COL23A1: variants seen among roughly 807,000 people sequenced by gnomAD.
COL23A1 encodes collagen alpha-1(XXIII) chain.
Under a neutral mutation model 99.3 loss-of-function variants are expected in COL23A1, and 97 were observed. The observed-to-expected ratio is 0.98, with a 90% CI of 0.83 to 1.16. The LOEUF (loss-of-function observed/expected upper bound fraction) is 1.16. Ranked by LOEUF, COL23A1 falls within the 50% of genes most tolerant of loss-of-function variation. COL23A1 has a pLI of 0.00. For synonymous variants in COL23A1, 320 were observed against 308.2 expected, an observed-to-expected ratio of 1.04 and a Z score of -0.40; for missense variants, 762 against 757.4, an observed-to-expected ratio of 1.01 and a Z score of -0.07.
rs373060611 is a variant in COL23A1 at position 178,238,432 on chromosome 5, G to A, written c.*266C>T. The A allele has an allele frequency of 1.9e-3, 1,014 of 528,058 alleles. 5 individuals are homozygous for A. Among genetic ancestry groups the A allele is most frequent in the Admixed American group, 4.1e-3 (128 of 30,950 alleles). 32.7% of individuals were successfully genotyped at this position (528,058 alleles called of 1,614,324 possible). A position where few individuals can be genotyped will look rare whatever the true frequency, so the allele number is the denominator to read the frequency against. ...ACGTAGCATCTTTCTAGCCTTGCCC[G>A]AGCCAGGTGCTTCTACCTTCATCTC... On this transcript the variant is annotated 3_prime_UTR_variant, in exon 29 of 29. Coordinates refer to ENST00000390654, the MANE Select transcript of COL23A1 (RefSeq NM_173465.4).
At chr5:178,469,244 T>C (rs1381196982) in intron 2 of COL23A1, among the ~76,000 whole-genome samples, 1 of 152,182 alleles carries the variant, frequency 6.6e-6, no homozygotes, top group Non-Finnish European at 1.5e-5. Context: ...TCCGTGTTCT[T>C]CCTTTGGGGG....
rs575823808 is a variant in COL23A1, at chr5:178,337,000, A to C, written c.362-30081T>G. ...AGTAAATACACTCCTCCCCGGAGCC[A>C]GCGAGCTGCTCAGAGCGGCGGAAAC... On this transcript the variant is annotated intron_variant, in intron 2 of 28. Coordinates refer to ENST00000390654, the MANE Select transcript of COL23A1 (RefSeq NM_173465.4). 2.6e-5 allele frequency among the ~76,000 whole-genome samples: 4 copies of C among 151,760 alleles called. No individual in the cohort carries two copies. In the East Asian group the frequency reaches 7.8e-4, roughly 30 times the overall value.
chr5:178,360,505 G>C (rs890707114), intron 2 of COL23A1, among the ~76,000 whole-genome samples: 7 of 152,180 alleles, frequency 4.6e-5, no homozygotes, highest in Non-Finnish European at 1.0e-4. Flanking sequence ...TCGTGCCTAG[G>C]GGCCTGCCCG....
chr5:178,501,473 C>T (rs533013040), intron 2 of COL23A1, among the ~76,000 whole-genome samples: 65 of 151,724 alleles, frequency 4.3e-4, no homozygotes, highest in East Asian at 1.7e-3. Flanking sequence ...CCCAGCTACT[C>T]GGGAGGCTGA....
intron 2 of COL23A1, chr5:178,378,211 C>G (rs1270837062): frequency 6.6e-6 from 1 of 152,164 alleles, no homozygotes; most frequent in East Asian, 1.9e-4. Context: ...CATAGTGAGA[C>G]CCCATCTTTT....
At chr5:178,422,681 A>T (rs190170503) in intron 2 of COL23A1, among the ~76,000 whole-genome samples, 108 of 152,256 alleles carry the variant, frequency 7.1e-4, no homozygotes, top group African/African-American at 2.4e-3. Context: ...TGTTTCTGGA[A>T]GATGCAGGGA....
chr5:178,478,838 G>A (rs1757170301), intron 2 of COL23A1, among the ~76,000 whole-genome samples: 1 of 152,158 alleles, frequency 6.6e-6, no homozygotes, highest in South Asian at 2.1e-4. Flanking sequence ...GACTCTATGA[G>A]AAGACTTACC....
intron 2 of COL23A1, among the ~76,000 whole-genome samples, chr5:178,503,208 C>T (rs911021246): frequency 5.0e-4 from 76 of 152,246 alleles, no homozygotes; most frequent in African/African-American, 1.6e-3. Flanking sequence ...TGGTGAAACT[C>T]CACGTCTGCT....
chr5:178,479,192 T>A (rs1401065279), intron 2 of COL23A1, among the ~76,000 whole-genome samples: 1 of 152,098 alleles, frequency 6.6e-6, no homozygotes, highest in African/African-American at 2.4e-5. Context: ...TGTGCAGGAT[T>A]TCCTAGAAAG....
Position 178,238,071 on chromosome 5 carries a change from G to C in COL23A1, c.*627C>G, listed in dbSNP as rs1025742154. 1 of 153,358 alleles carries C rather than the reference G, an allele frequency of 6.5e-6. No homozygotes were observed. Among genetic ancestry groups the C allele is most frequent in the African/African-American group, 2.4e-5 (1 of 41,490 alleles). The allele number at this position is 153,358 out of a possible 1,614,324, so 9.5% of individuals were successfully genotyped here. ...AGCTCAGCCACTACTCCTGGCCAGA[G>C]GACATGTGCTCTCATGGCAGGCTGG... On this transcript the variant is annotated 3_prime_UTR_variant, in exon 29 of 29. Transcript: ENST00000390654.
At chr5:178,500,424 C>CCAAA (rs1554184902) in intron 2 of COL23A1, among the ~76,000 whole-genome samples, 6,360 of 65,776 alleles carry the variant, frequency 0.097, 625 homozygotes, top group East Asian at 0.49. Context: ...CCCATCTCTA[C>CCAAA]AAAAAAAAAA....
At chr5:178,473,614 T>C (rs1372910440) in intron 2 of COL23A1, among the ~76,000 whole-genome samples, 2 of 152,020 alleles carry the variant, frequency 1.3e-5, no homozygotes, top group Non-Finnish European at 2.9e-5. Flanking sequence ...TATGAGGGAT[T>C]TGAGCATCTC....
chr5:178,264,054 G>C (rs1254348539), intron 8 of COL23A1, among the ~76,000 whole-genome samples: 1 of 152,170 alleles, frequency 6.6e-6, no homozygotes, highest in Non-Finnish European at 1.5e-5. Flanking sequence ...CGTTAGGGAT[G>C]GGGGGATGAA....
At chr5:178,582,249 T>G (rs1015321217) in intron 1 of COL23A1, among the ~76,000 whole-genome samples, 4 of 135,860 alleles carry the variant, frequency 2.9e-5, no homozygotes, top group African/African-American at 5.7e-5. Context: ...GAGAGAAGGA[T>G]GGGCAAGCCA....
intron 2 of COL23A1, among the ~76,000 whole-genome samples, chr5:178,350,329 T>A (rs1010240426): frequency 6.6e-6 from 1 of 152,070 alleles, no homozygotes; most frequent in African/African-American, 2.4e-5. Context: ...CTCTGACAGC[T>A]CTTTTAGGGT....
intron 1 of COL23A1, among the ~76,000 whole-genome samples, chr5:178,577,607 G>A (rs920551036): frequency 1.3e-5 from 2 of 152,082 alleles, no homozygotes; most frequent in East Asian, 3.9e-4. Flanking sequence ...CAGAACCCGC[G>A]CCTGCCCCCC....
chr5:178,370,398 G>C (rs1762733832), intron 2 of COL23A1, among the ~76,000 whole-genome samples: 1 of 152,158 alleles, frequency 6.6e-6, no homozygotes, highest in African/African-American at 2.4e-5. Flanking sequence ...GACGCTAAGT[G>C]AAATAAGCCA....
At chr5:178,389,062 C>G (rs73803011) in intron 2 of COL23A1, among the ~76,000 whole-genome samples, 1,995 of 152,270 alleles carry the variant, frequency 0.013, 48 homozygotes, top group African/African-American at 0.045. Flanking sequence ...GCAATTGAAG[C>G]CTTCATAACC....
Position 178,412,883 on chromosome 5 carries a change from C to G in COL23A1, c.362-105964G>C, listed in dbSNP as rs531582658. 5.4e-4 allele frequency among the ~76,000 whole-genome samples: 82 copies of G among 152,212 alleles called. 1 individual carries two copies. The highest frequency in any genetic ancestry group is 1.8e-3 in the African/African-American group (76 of 41,520). ...CTCAGAAATGCTAAGTAATATAGAG[C>G]CTGAGACACTGTACATCATCTGGAA... On this transcript the variant is annotated intron_variant, in intron 2 of 28. Coordinates refer to ENST00000390654, the MANE Select transcript of COL23A1 (RefSeq NM_173465.4).
Sources: allele counts gnomAD v4.1 joint callset (sites outside exome capture counted in the v4.1 genomes callset), GRCh38; gene constraint gnomAD v4.1.1; transcripts MANE v1.5; gene names NCBI Gene and HGNC (gene_info 2026-07-23, HGNC 2026-07-21).